RYR1: variants seen among roughly 807,000 people sequenced by gnomAD.
RYR1 encodes central core disease of muscle.
Under a neutral mutation model 583.5 loss-of-function variants are expected in RYR1, and 342 were observed. That is an observed-to-expected ratio of 0.59 (90% CI 0.54 to 0.64). RYR1 has a LOEUF of 0.64. Among genes scored for constraint, RYR1 ranks in the 30% least tolerant of loss-of-function variants. The pLI, the probability that RYR1 is intolerant of heterozygous loss-of-function variation, is 0.00. For missense variants in RYR1, 6,032 were observed against 6,917.2 expected, an observed-to-expected ratio of 0.87 and a Z score of 4.54; for synonymous variants, 2,791 against 2,822.5, an observed-to-expected ratio of 0.99 and a Z score of 0.35.
At chr19:38,464,223 G>T (rs1426386980) in intron 22 of RYR1, among the ~76,000 whole-genome samples, 1 of 133,442 alleles carries the variant, frequency 7.5e-6, no homozygotes, top group Non-Finnish European at 1.6e-5. Context: ...GTTGCAGCGA[G>T]CCGAGATCAC....
At chr19:38,572,471 T>G (rs1300279943) in intron 95 of RYR1, among the ~76,000 whole-genome samples, 1 of 151,994 alleles carries the variant, frequency 6.6e-6, no homozygotes, top group African/African-American at 2.4e-5. Context: ...AGGACGACAT[T>G]CAGATTGGGA....
Position 38,473,626 on chromosome 19 carries a change from G to T in RYR1, c.4015G>T (p.Gly1339Trp). The change falls in exon 28 of 106, where the codon GGG (glycine) becomes TGG (tryptophan). Residue 1339 changes from glycine (G) to tryptophan (W), a missense_variant. Transcript: ENST00000359596. ...CTACGAAAACCTGCGCCGCTCAGCTGGGGGCTGGAGCGAGGCAGAGAACGG... is the reference window on the plus strand; with the variant it reads ...CTACGAAAACCTGCGCCGCTCAGCTTGGGGCTGGAGCGAGGCAGAGAACGG... ...PDYENLRRSA[G>W]GWSEAENGKE... is the part of the protein sequence containing the mutation. 1 of 1,564,638 alleles carries T rather than the reference G, an allele frequency of 6.4e-7. No individual in the cohort carries two copies. Among genetic ancestry groups the T allele is most frequent in the Non-Finnish European group, 8.7e-7 (1 of 1,154,664 alleles).
In RYR1 at chr19:38,543,287, C is replaced by A; in HGVS notation, c.11690-60C>A. 7.1e-7 allele frequency: 1 copy of A among 1,403,728 alleles called. No individual in the cohort carries two copies. The highest frequency in any genetic ancestry group is 1.0e-6 in the Non-Finnish European group (1 of 988,128). The allele number at this position is 1,403,728 out of a possible 1,614,324, so 87.0% of individuals were successfully genotyped here. A position where few individuals can be genotyped will look rare whatever the true frequency, so the allele number is the denominator to read the frequency against. ...GTATTGCATAAATGAATAAATGACCCACTGTTCATCTCCCCTAGCACATGG... is the reference window on the plus strand; with the variant it reads ...GTATTGCATAAATGAATAAATGACCAACTGTTCATCTCCCCTAGCACATGG... On this transcript the variant is annotated intron_variant, in intron 84 of 105. Coordinates refer to ENST00000359596, the MANE Select transcript of RYR1 (RefSeq NM_000540.3). This position sits in a 1 kb window ranked among gnomAD's most constrained non-coding sequence, Gnocchi z 4.4.
chr19:38,510,643 C>G lies in RYR1; in HGVS notation c.9001-17C>G, dbSNP rs1322000594. ...CACCCCTCATTGGACCCTTTATCTC[C>G]CCCAACCCGTCTCCAGATCCTGCTC... On this transcript the variant is annotated splice_polypyrimidine_tract_variant and intron_variant, in intron 59 of 105. Coordinates refer to ENST00000359596, the MANE Select transcript of RYR1 (RefSeq NM_000540.3). 6.2e-7 allele frequency: 1 copy of G among 1,614,148 alleles called. No individual in the cohort carries two copies. The highest frequency in any genetic ancestry group is 1.1e-5 in the South Asian group (1 of 91,078).
At chr19:38,557,333 T>TG (rs149848070) in intron 89 of RYR1, among the ~76,000 whole-genome samples, 3,347 of 152,276 alleles carry the variant, frequency 0.022, 58 homozygotes, top group Middle Eastern at 0.044. Context: ...GAGCCCACTG[T>TG]GGGGGCTGAT....
Position 38,580,471 on chromosome 19 carries a change from T to TG in RYR1, c.14614dup (p.Glu4872GlyfsTer3). On this transcript the variant is annotated frameshift_variant, in exon 101 of 106. Transcript: ENST00000359596. LOFTEE classifies it high-confidence loss of function. ...TCTACAACAAGAGCGAGGATGAGGA[T>TG]GAACCTGACATGAAGTGTGATGACA... 1 of 1,614,130 alleles carries TG rather than the reference T, an allele frequency of 6.2e-7. No individual in the cohort carries two copies. The highest frequency in any genetic ancestry group is 1.7e-5 in the Admixed American group (1 of 60,000).
rs1969999262 is a variant in RYR1, at chr19:38,499,497, TG to T, written c.7028-136del. 2 of 1,072,544 alleles carry T rather than the reference TG, an allele frequency of 1.9e-6. No individual in the cohort carries two copies. Among genetic ancestry groups the T allele is most frequent in the Non-Finnish European group, 2.7e-6 (2 of 735,352 alleles). 66.4% of individuals were successfully genotyped at this position (1,072,544 alleles called of 1,614,324 possible). ...TTGGGTCCTGGGGCTGGCAGGGGCC[TG>T]GTGTTACCTCTGGAGGTGTTGGGTC... On this transcript the variant is annotated intron_variant, in intron 43 of 105. Transcript: ENST00000359596. This position sits in a 1 kb window ranked among gnomAD's most constrained non-coding sequence, Gnocchi z 7.3.
rs1972733441 is a variant in RYR1, at chr19:38,442,392, A to G, written c.209A>G (p.Gln70Arg). ...DLAICCFVLE[Q>R]SLSVRALQEM... ...GCCATCTGTTGCTTCGTCCTGGAGC[A>G]GTCCCTGTCTGTGCGAGCCCTGCAG... Residue 70 changes from glutamine (Q) to arginine (R), a missense_variant, in exon 3 of 106, where the codon CAG (glutamine) becomes CGG (arginine). Coordinates refer to ENST00000359596, the MANE Select transcript of RYR1 (RefSeq NM_000540.3). 6.2e-7 allele frequency: 1 copy of G among 1,613,108 alleles called. No individual in the cohort carries two copies. The highest frequency in any genetic ancestry group is 8.5e-7 in the Non-Finnish European group (1 of 1,179,642).
Position 38,578,196 on chromosome 19 carries a change from AC to A in RYR1, c.14357del (p.Thr4786LysfsTer13). On this transcript the variant is annotated frameshift_variant, in exon 99 of 106. Coordinates refer to ENST00000359596, the MANE Select transcript of RYR1 (RefSeq NM_000540.3). LOFTEE classifies it high-confidence loss of function. ...YQIWKFGVIF[T>X]DNSFLYLGWY... ...GATCTGGAAGTTCGGGGTCATCTTC[AC>A]AGACAACGTGAGCAGGGGCCCACAG... 1 of 1,613,318 alleles carries A rather than the reference AC, an allele frequency of 6.2e-7. No homozygotes were observed. Among genetic ancestry groups the A allele is most frequent in the Non-Finnish European group, 8.5e-7 (1 of 1,179,736 alleles).
rs150134127 is a variant in RYR1 at position 38,540,230 on chromosome 19, T to C, written c.11689+2270T>C. On this transcript the variant is annotated intron_variant, in intron 84 of 105. Transcript: ENST00000359596. The stretch of plus-strand genomic sequence containing the variant: ...TGGCTCATGCCTGTAATCCCAGCAC[T>C]TTAGGAGGCTGAGGCAGGAGGATCA... Among the ~76,000 whole-genome samples the C allele has an allele frequency of 4.3e-3, 653 of 152,134 alleles. 4 individuals are homozygous for C. The highest frequency in any genetic ancestry group is 0.015 in the African/African-American group (616 of 41,500).
chr19:38,436,227 G>A (rs1285508520), intron 1 of RYR1, among the ~76,000 whole-genome samples: 1 of 146,858 alleles, frequency 6.8e-6, no homozygotes, highest in Non-Finnish European at 1.5e-5. Context: ...TTCTTTTTGA[G>A]ACAGAGTCTC....
chr19:38,555,615 A>G (rs905834111), intron 89 of RYR1, among the ~76,000 whole-genome samples: 1 of 152,132 alleles, frequency 6.6e-6, no homozygotes, highest in African/African-American at 2.4e-5. Context: ...TCAAATATCT[A>G]GTGAGTGTGC....
intron 65 of RYR1, 25 bp from the exon 66 acceptor site, chr19:38,517,334 C>T (rs1346813610): frequency 3.1e-6 from 5 of 1,608,734 alleles, no homozygotes; most frequent in Admixed American, 1.7e-5. Flanking sequence ...GCTTGACATT[C>T]CCTGCCCCCG....
At chr19:38,497,308 G>A (rs947938310) in intron 42 of RYR1, among the ~76,000 whole-genome samples, 1 of 152,174 alleles carries the variant, frequency 6.6e-6, no homozygotes, top group Non-Finnish European at 1.5e-5. Flanking sequence ...CCGGGTTGGG[G>A]GCCGATCCAC....
chr19:38,571,927 G>A, intron 94 of RYR1, 92 bp from the exon 95 acceptor site: 2 of 1,569,334 alleles, frequency 1.3e-6, no homozygotes, highest in Non-Finnish European at 1.7e-6. Flanking sequence ...TATCTGGTAT[G>A]GTCCCAGTCC....
chr19:38,529,587 A>G (rs934228628), intron 76 of RYR1, among the ~76,000 whole-genome samples: 5 of 152,242 alleles, frequency 3.3e-5, no homozygotes, highest in African/African-American at 1.2e-4. Flanking sequence ...AGGGGTTCGT[A>G]TCACAGACAA....
At chr19:38,458,952 A>G (rs989060493) in intron 18 of RYR1, among the ~76,000 whole-genome samples, 194 bp from the exon 19 acceptor site, 1 of 152,190 alleles carries the variant, frequency 6.6e-6, no homozygotes, top group African/African-American at 2.4e-5. Context: ...CCCACAGCTC[A>G]GAATCCTAAC....
rs932457096 is a variant in RYR1, at chr19:38,483,310, C to T, written c.4728C>T (p.Ala1576=). 16 of 1,559,780 alleles carry T rather than the reference C, an allele frequency of 1.0e-5. No homozygotes were observed. Among genetic ancestry groups the T allele is most frequent in the Non-Finnish European group, 1.3e-5 (15 of 1,152,062 alleles). ...CTCAGAACATCATGCCGTTGTCAGC[C>T]GCCATGTTCCAAAGCGAGCGCAAGA... The part of the protein sequence containing the change: ...GKQKNIMPLS[A]AMFQSERKNP... The change falls in exon 33 of 106, where the codon GCC becomes GCT. Residue 1576 remains alanine (A), a synonymous_variant. Transcript: ENST00000359596. This position sits in a 1 kb window ranked among gnomAD's most constrained non-coding sequence, Gnocchi z 6.3.
At position 38,444,313 on chromosome 19, in the gene RYR1, T is replaced by G. The variant is rs1219912519; in HGVS notation, c.537+52T>G. On this transcript the variant is annotated intron_variant, in intron 6 of 105. Coordinates refer to ENST00000359596, the MANE Select transcript of RYR1 (RefSeq NM_000540.3). The surrounding 1 kb of genome is among the most constrained non-coding windows in gnomAD (Gnocchi z 5.1). ...CCAGGTCTGGGGGCGCATGGGATGG[T>G]CCCCATCTTCTCACCATGGGTTTGC... 1 of 1,369,594 alleles carries G rather than the reference T, an allele frequency of 7.3e-7. No individual in the cohort carries two copies. Among genetic ancestry groups the G allele is most frequent in the Non-Finnish European group, 1.0e-6 (1 of 966,550 alleles). 84.8% of individuals were successfully genotyped at this position (1,369,594 alleles called of 1,614,324 possible). A position where few individuals can be genotyped will look rare whatever the true frequency, so the allele number is the denominator to read the frequency against.
Sources: gnomAD v4.1 joint callset for allele counts (sites outside exome capture counted in the v4.1 genomes callset) on GRCh38, gnomAD v4.1.1 for gene constraint, Gnocchi (gnomAD v3.1) non-coding constraint, MANE v1.5 for transcripts, NCBI Gene and HGNC (gene_info 2026-07-23, HGNC 2026-07-21) for gene names.